The following RABEP2 variants were observed in gnomAD, a reference collection of about 807,000 sequenced individuals.
RABEP2 encodes the protein rabaptin, RAB GTPase binding effector protein 2.
A neutral mutation model predicts 74.1 loss-of-function variants in RABEP2; 57 were observed. That is an observed-to-expected ratio of 0.77 (90% CI 0.62 to 0.96). RABEP2 has a LOEUF of 0.96. RABEP2 is among the 40% of genes least tolerant of loss of function. The pLI is 0.00. For missense variants in RABEP2, 692 were observed against 756.3 expected (o/e 0.91, Z 1.00); for synonymous variants, 351 against 344.0 (o/e 1.02, Z -0.23).
At position 28,919,949 on chromosome 16, in the gene RABEP2, G is replaced by A. The variant is rs780805145; in HGVS notation, c.275-6C>T. The A allele has an allele frequency of 2.5e-6, 4 of 1,580,968 alleles. No individual in the cohort carries two copies. The South Asian group carries it at 3.4e-5, about 13-fold the overall frequency. On this transcript the variant is annotated splice_region_variant and splice_polypyrimidine_tract_variant and intron_variant, in intron 2 of 12. Transcript: ENST00000358201. ...TTCATAGCTGCTGATGGAGTCTGGTGGGGGAGAGGGAGGGTGGGAGAGAGG... is the reference window on the plus strand; with the variant it reads ...TTCATAGCTGCTGATGGAGTCTGGTAGGGGAGAGGGAGGGTGGGAGAGAGG...
At chr16:28,908,536 A>G (rs1567495565) in intron 8 of RABEP2, 73 bp downstream of exon 8, 1 of 1,477,376 alleles carries the variant, frequency 6.8e-7, no homozygotes, top group Non-Finnish European at 9.0e-7. Flanking sequence ...GGTCGTGACC[A>G]ACGCTCTGCC....
chr16:28,922,931 G>T (rs1964485616), intron 2 of RABEP2, among the ~76,000 whole-genome samples: 1 of 152,000 alleles, frequency 6.6e-6, no homozygotes, highest in Admixed American at 6.6e-5. Flanking sequence ...AGGCTGCTTG[G>T]TTTCCAACCT....
At chr16:28,922,733 A>T (rs1479123534) in intron 2 of RABEP2, among the ~76,000 whole-genome samples, 3 of 151,412 alleles carry the variant, frequency 2.0e-5, no homozygotes, top group African/African-American at 7.3e-5. Context: ...TCAAAAGAAA[A>T]GAAAAAAAAA....
chr16:28,922,147 C>T (rs7185232), intron 2 of RABEP2, among the ~76,000 whole-genome samples: 95,702 of 151,974 alleles, frequency 0.63, 30,674 homozygotes, highest in South Asian at 0.81. Flanking sequence ...AAGGGTCTCA[C>T]TTTGGTGCCC....
At chr16:28,909,170 G>A (rs948025036) in intron 7 of RABEP2, among the ~76,000 whole-genome samples, 6 of 151,848 alleles carry the variant, frequency 4.0e-5, no homozygotes, top group Non-Finnish European at 5.9e-5. Context: ...TCCGCCTCCC[G>A]GGTTCAAGCG....
rs755457715 is a variant in RABEP2 at position 28,914,300 on chromosome 16, A to G, written c.830T>C (p.Ile277Thr). 7 of 1,612,832 alleles carry G rather than the reference A, an allele frequency of 4.3e-6. No homozygotes were observed. Among genetic ancestry groups the G allele is most frequent in the Non-Finnish European group, 5.9e-6 (7 of 1,179,944 alleles). Residue 277 changes from isoleucine (I) to threonine (T), a missense_variant, in exon 5 of 13, where the codon ATC becomes ACC. Transcript: ENST00000358201. ...CTGGTAGCCAGGAGGGGGCAGGTAG[A>G]TGCCCTCGGGAACCAGGGTGCCCGT... is the stretch of plus-strand genomic sequence containing the variant. Reference protein sequence around the residue: ...VSTGTLVPEGIYLPPPGYQLV... With the variant: ...VSTGTLVPEGTYLPPPGYQLV...
Position 28,925,117 on chromosome 16 carries a change from C to T in RABEP2, c.47G>A (p.Arg16Gln). 6.5e-7 allele frequency: 1 copy of T among 1,536,288 alleles called. No homozygotes were observed. Among genetic ancestry groups the T allele is most frequent in the Non-Finnish European group, 8.7e-7 (1 of 1,147,982 alleles). The change falls in exon 1 of 13, where the codon CGG (arginine) becomes CAG (glutamine). Residue 16 changes from arginine to glutamine, a missense_variant. Coordinates refer to ENST00000358201, the MANE Select transcript of RABEP2 (RefSeq NM_024816.3). ...PVAADDDERR[R>Q]RPGAALEDSR... ...CCCTCACGTACCAGCCCCCGGCCGC[C>T]GCCGCCGCTCATCGTCGTCCGCGGC... is the stretch of plus-strand genomic sequence containing the variant.
chr16:28,921,170 C>A, intron 2 of RABEP2: 1 of 455,694 alleles, frequency 2.2e-6, no homozygotes, highest in Non-Finnish European at 4.4e-6. Context: ...GGCCCTTAAT[C>A]GTAGTAATAA....
chr16:28,925,073 C>G (rs1444227497), intron 1 of RABEP2, 30 bp downstream of exon 1: 1 of 1,550,098 alleles, frequency 6.5e-7, no homozygotes, highest in Non-Finnish European at 8.7e-7. Context: ...CATCACCGTT[C>G]CCCGCTTGCA....
chr16:28,922,379 G>A (rs1400815470), intron 2 of RABEP2, among the ~76,000 whole-genome samples: 2 of 152,144 alleles, frequency 1.3e-5, no homozygotes, highest in Non-Finnish European at 2.9e-5. Flanking sequence ...AAGGTCAGGA[G>A]ATCGAGACTA....
Position 28,905,478 on chromosome 16 carries a change from G to A in RABEP2, c.1527C>T (p.Ala509=), listed in dbSNP as rs547566607. ...GCTCTGCCTGCAGCCGCAGCACCTTGGCCCTCTGTTCTGAGAGGAGGTCTG... is the reference window on the plus strand; with the variant it reads ...GCTCTGCCTGCAGCCGCAGCACCTTAGCCCTCTGTTCTGAGAGGAGGTCTG... ...QLPDLLSEQR[A]KVLRLQAELE... is the part of the protein sequence containing the mutation. The change falls in exon 12 of 13, where the codon GCC becomes GCT. Residue 509 remains alanine, a synonymous_variant. Transcript: ENST00000358201. The A allele has an allele frequency of 5.0e-6, 8 of 1,610,568 alleles. No individual in the cohort carries two copies. The highest frequency in any genetic ancestry group is 3.3e-5 in the South Asian group (3 of 89,980).
chr16:28,914,165 C>T, intron 5 of RABEP2, 71 bp downstream of exon 5: 1 of 1,313,580 alleles, frequency 7.6e-7, no homozygotes, highest in East Asian at 2.4e-5. Context: ...GGTCTGAACA[C>T]AGGTGGTGCG....
chr16:28,906,124 C>G lies in RABEP2; in HGVS notation c.1318G>C (p.Glu440Gln). Residue 440 changes from glutamate to glutamine, a missense_variant, in exon 9 of 13, where the codon GAG becomes CAG. Physicochemically the swap from Glu to Gln is conservative, Grantham distance 29. Transcript: ENST00000358201. The part of the protein sequence containing the change: ...ARLQAQEHGA[E>Q]RLRIEIVTLR... ...GTCACGATCTCGATCCGCAGGCGCT[C>G]GGCCCCGTGCTCCTGGGCCTGCAGC... is the stretch of plus-strand genomic sequence containing the variant. 2 of 1,577,858 alleles carry G rather than the reference C, an allele frequency of 1.3e-6. No individual in the cohort carries two copies. Among genetic ancestry groups the G allele is most frequent in the Non-Finnish European group, 1.7e-6 (2 of 1,165,450 alleles).
rs58982936 is a variant in RABEP2, at chr16:28,907,162, G to GTT, written c.1246-968_1246-967dup. 0.013 allele frequency among the ~76,000 whole-genome samples: 1,721 copies of GTT among 127,860 alleles called. 148 individuals are homozygous for GTT. In the East Asian group the frequency reaches 0.23, roughly 17 times the overall value. 83.9% of individuals were successfully genotyped at this position (127,860 alleles called of 152,430 possible). A position where few individuals can be genotyped will look rare whatever the true frequency, so the allele number is the denominator to read the frequency against. On this transcript the variant is annotated intron_variant, in intron 8 of 12. Transcript: ENST00000358201. Reference sequence around the variant, plus strand: ...ATCTTTTTTTTTGTTTTTTGCCTTTGTTTTTTTTTTTTTTTTGAGACAGGG... The same window carrying GTT: ...ATCTTTTTTTTTGTTTTTTGCCTTTGTTTTTTTTTTTTTTTTTTGAGACAGGG...
In RABEP2 at chr16:28,906,005, G is replaced by A; in HGVS notation, c.1423+14C>T. On this transcript the variant is annotated intron_variant, in intron 9 of 12. Coordinates refer to ENST00000358201, the MANE Select transcript of RABEP2 (RefSeq NM_024816.3). ...CCTGGGCCCGGGGCTGGGGGCTTGT[G>A]CCCCTCCCCTCACCTGTCTCCTCCC... The A allele has an allele frequency of 6.2e-7, 1 of 1,608,314 alleles. No homozygotes were observed. Among genetic ancestry groups the A allele is most frequent in the Non-Finnish European group, 8.5e-7 (1 of 1,177,962 alleles).
chr16:28,910,877 C>T lies in RABEP2; in HGVS notation c.1089+11G>A, dbSNP rs1400409902. The T allele has an allele frequency of 1.9e-6, 3 of 1,606,282 alleles. No individual in the cohort carries two copies. The highest frequency in any genetic ancestry group is 1.7e-5 in the Admixed American group (1 of 59,692). Reference sequence around the variant, plus strand: ...CCTCGCCCTCCTGCCCTAGGGCCCCCAGGTACTCACCATCTGCAGCTGCAC... The same window carrying T: ...CCTCGCCCTCCTGCCCTAGGGCCCCTAGGTACTCACCATCTGCAGCTGCAC... On this transcript the variant is annotated intron_variant, in intron 7 of 12. Transcript: ENST00000358201.
chr16:28,910,756 G>A (rs531725829), intron 7 of RABEP2, 132 bp downstream of exon 7: 18 of 773,696 alleles, frequency 2.3e-5, no homozygotes, highest in South Asian at 3.6e-5. Flanking sequence ...ACCTGGCACC[G>A]GTTCCAGGGT....
At chr16:28,917,840 A>T (rs1351932522) in intron 3 of RABEP2, 1 of 152,222 alleles carries the variant, frequency 6.6e-6, no homozygotes, top group Non-Finnish European at 1.5e-5. Context: ...GGATGCTGGG[A>T]AGATGTGGCT....
At chr16:28,907,264 G>A (rs553793471) in intron 8 of RABEP2, among the ~76,000 whole-genome samples, 7 of 149,742 alleles carry the variant, frequency 4.7e-5, no homozygotes, top group East Asian at 2.0e-4. Flanking sequence ...AGGCTCAAGC[G>A]TCCCACCTCA....
Sources: gnomAD v4.1 joint callset for allele counts (sites outside exome capture counted in the v4.1 genomes callset) on GRCh38, gnomAD v4.1.1 for gene constraint, MANE v1.5 for transcripts, NCBI Gene and HGNC (gene_info 2026-07-23, HGNC 2026-07-21) for gene names.